TNRC18: variants seen among roughly 807,000 people sequenced by gnomAD.
The protein encoded by TNRC18 is trinucleotide repeat-containing gene 18 protein.
Under a neutral mutation model 226.7 loss-of-function variants are expected in TNRC18, and 69 were observed. The observed-to-expected ratio is 0.30, with a 90% CI of 0.25 to 0.37. The LOEUF is 0.37. Ranked by LOEUF, TNRC18 falls within the 10% of genes least tolerant of loss-of-function variation. TNRC18 has a pLI of 1.00. For missense variants in TNRC18, 4,754 were observed against 4,256.6 expected (o/e 1.12, Z -3.25); for synonymous variants, 2,449 against 1,927.6 (o/e 1.27, Z -7.09).
At chr7:5,367,581 C>T (rs1304102037) in intron 11 of TNRC18, among the ~76,000 whole-genome samples, 1 of 151,400 alleles carries the variant, frequency 6.6e-6, no homozygotes, top group East Asian at 2.0e-4. Context: ...GTGCCCGCCA[C>T]CACGCCCAGC....
At chr7:5,345,532 C>T (rs1288701158) in intron 18 of TNRC18, 30 bp downstream of exon 18, 1 of 1,141,426 alleles carries the variant, frequency 8.8e-7, no homozygotes, top group Non-Finnish European at 1.2e-6. Context: ...TCCCACCCAC[C>T]CCCACCGCAG....
intron 2 of TNRC18, among the ~76,000 whole-genome samples, chr7:5,396,012 AT>A (rs1407421129): frequency 1.4e-5 from 2 of 147,970 alleles, no homozygotes; most frequent in African/African-American, 5.0e-5. Context: ...AAAAAAAAAA[AT>A]GCTAAAAATT....
At chr7:5,422,329 TC>T (rs1046863711) in intron 1 of TNRC18, among the ~76,000 whole-genome samples, 7 of 145,358 alleles carry the variant, frequency 4.8e-5, no homozygotes, top group South Asian at 2.2e-4. Context: ...TACTCTAGCT[TC>T]CCCCCCCACA....
intron 18 of TNRC18, among the ~76,000 whole-genome samples, chr7:5,338,259 T>C (rs993144140): frequency 6.6e-6 from 1 of 152,030 alleles, no homozygotes; most frequent in African/African-American, 2.4e-5. Flanking sequence ...AATAAATTTG[T>C]TTAAAAGGCA....
chr7:5,408,905 G>A (rs1000064178), intron 2 of TNRC18, among the ~76,000 whole-genome samples: 2 of 152,188 alleles, frequency 1.3e-5, no homozygotes, highest in African/African-American at 2.4e-5. Context: ...ACCACTGAGG[G>A]TATGCATTCT....
At chr7:5,369,854 G>A (rs1793981257) in intron 11 of TNRC18, among the ~76,000 whole-genome samples, 1 of 152,074 alleles carries the variant, frequency 6.6e-6, no homozygotes, top group South Asian at 2.1e-4. Context: ...CTACAGACTG[G>A]CTGCACAGTG....
chr7:5,388,999 C>T lies in TNRC18; in HGVS notation c.825G>A (p.Ala275=). The T allele has an allele frequency of 3.7e-6, 5 of 1,359,712 alleles. No individual in the cohort carries two copies. The highest frequency in any genetic ancestry group is 1.6e-5 in the African/African-American group (1 of 63,446). 84.2% of individuals were successfully genotyped at this position (1,359,712 alleles called of 1,614,324 possible). Residue 275 remains alanine (A), a synonymous_variant, in exon 5 of 30, where the codon GCG becomes GCA. Transcript: ENST00000430969. The part of the protein sequence containing the change: ...FLAESKTKNA[A]LQPSVLTMCN... ...ACATGGTCAGTACCGACGGCTGCAG[C>T]GCCGCATTCTTGGTCTTGGACTCAG... is the stretch of plus-strand genomic sequence containing the variant.
intron 18 of TNRC18, among the ~76,000 whole-genome samples, chr7:5,343,616 G>C (rs988952243): frequency 5.9e-5 from 9 of 152,068 alleles, no homozygotes; most frequent in South Asian, 2.1e-4. Context: ...TTGTAGAGAT[G>C]GGGTCTCGCT....
Position 5,324,409 on chromosome 7 carries a change from C to A in TNRC18, c.6301-54G>T. ...CTTAGGACCTGAACAGGGGTCCTGC[C>A]GGGTTGGGGACCCTCTCTGGAAACC... On this transcript the variant is annotated intron_variant, in intron 20 of 29. Transcript: ENST00000430969. This position sits in a 1 kb window ranked among gnomAD's most constrained non-coding sequence, Gnocchi z 4.8. The A allele has an allele frequency of 6.3e-7, 1 of 1,594,454 alleles. No homozygotes were observed. Among genetic ancestry groups the A allele is most frequent in the Non-Finnish European group, 8.5e-7 (1 of 1,170,274 alleles).
Position 5,313,510 on chromosome 7 carries a change from G to A in TNRC18, c.7381C>T (p.Leu2461Phe). ...PRRPGEEAEL[L>F]VKLDHEGVTS... is the part of the protein sequence containing the mutation. ...ACACCCTCGTGGTCCAGTTTGACAA[G>A]CAGCTCGGCCTCCTCCCCCGGCCTC... The change falls in exon 27 of 30, where the codon CTT (leucine) becomes TTT (phenylalanine). Residue 2461 changes from leucine (L) to phenylalanine (F), a missense_variant. Leu to Phe is a conservative substitution (Grantham distance 22, BLOSUM62 0). Coordinates refer to ENST00000430969, the MANE Select transcript of TNRC18 (RefSeq NM_001080495.3). 6.2e-7 allele frequency: 1 copy of A among 1,613,178 alleles called. No individual in the cohort carries two copies. The highest frequency in any genetic ancestry group is 8.5e-7 in the Non-Finnish European group (1 of 1,179,504).
At chr7:5,322,321 C>T (rs1220027275) in intron 21 of TNRC18, among the ~76,000 whole-genome samples, 1 of 132,830 alleles carries the variant, frequency 7.5e-6, no homozygotes, top group Admixed American at 7.6e-5. Flanking sequence ...ATGTCAGAGA[C>T]AAGGTCTTGC....
chr7:5,340,146 A>G (rs1232120581), intron 18 of TNRC18, among the ~76,000 whole-genome samples: 1 of 152,256 alleles, frequency 6.6e-6, no homozygotes, highest in African/African-American at 2.4e-5. Flanking sequence ...CCTAGAAGCA[A>G]GGCCTCTTGT....
At chr7:5,321,230 G>A (rs2128113587) in intron 21 of TNRC18, 40 bp from the exon 22 acceptor site, 3 of 1,439,990 alleles carry the variant, frequency 2.1e-6, no homozygotes, top group Admixed American at 4.0e-5. Context: ...GGAGCCGGGG[G>A]CGTCTGCGAC....
intron 16 of TNRC18, among the ~76,000 whole-genome samples, chr7:5,355,260 C>T (rs1792234109): frequency 6.6e-6 from 1 of 150,732 alleles, no homozygotes; most frequent in African/African-American, 2.5e-5. Context: ...CATGAGGACG[C>T]TCCAATCTGA....
At chr7:5,337,101 A>C (rs934968764) in intron 18 of TNRC18, among the ~76,000 whole-genome samples, 1 of 152,244 alleles carries the variant, frequency 6.6e-6, no homozygotes, top group African/African-American at 2.4e-5. Flanking sequence ...ACGGCTGACA[A>C]AGATAAACAC....
rs749660533 is a variant in TNRC18 at position 5,345,689 on chromosome 7, C to T, written c.5592G>A (p.Gly1864=). 3 of 1,549,782 alleles carry T rather than the reference C, an allele frequency of 1.9e-6. No homozygotes were observed. In the Admixed American group the frequency reaches 5.9e-5, roughly 30 times the overall value. The change falls in exon 18 of 30, where the codon GGG becomes GGA. Residue 1864 remains glycine, a synonymous_variant. Coordinates refer to ENST00000430969, the MANE Select transcript of TNRC18 (RefSeq NM_001080495.3). ...RALSPGLEES[G]LGLLARFAAS... ...CGGCGAAGCGTGCCAGCAGGCCCAG[C>T]CCACTCTCCTCCAGGCCCGGTGACA...
At chr7:5,404,237 G>A (rs1397881115) in intron 2 of TNRC18, among the ~76,000 whole-genome samples, 1 of 152,186 alleles carries the variant, frequency 6.6e-6, no homozygotes, top group East Asian at 1.9e-4. Flanking sequence ...TGGGTGTGGT[G>A]GCACATGCCT....
rs1239451013 is a variant in TNRC18 at position 5,368,048 on chromosome 7, G to A, written c.4219+2327C>T. Among the ~76,000 whole-genome samples the A allele has an allele frequency of 1.2e-4, 8 of 67,820 alleles. No homozygotes were observed. In the South Asian group the frequency reaches 1.5e-3, roughly 12 times the overall value. 44.5% of individuals were successfully genotyped at this position (67,820 alleles called of 152,430 possible). ...GGATAACCATCATGTTATTTGCAACGGAGAAAAAAAAAAAACAACTTTGTT... is the reference window on the plus strand; with the variant it reads ...GGATAACCATCATGTTATTTGCAACAGAGAAAAAAAAAAAACAACTTTGTT... On this transcript the variant is annotated intron_variant, in intron 11 of 29. Transcript: ENST00000430969.
chr7:5,403,932 G>C (rs1259406749), intron 2 of TNRC18, among the ~76,000 whole-genome samples: 1 of 152,096 alleles, frequency 6.6e-6, no homozygotes, highest in African/African-American at 2.4e-5. Context: ...GTGTTTCCGA[G>C]ATAGCAGCTA....
Sources: allele counts gnomAD v4.1 joint callset (sites outside exome capture counted in the v4.1 genomes callset), GRCh38; gene constraint gnomAD v4.1.1; non-coding constraint Gnocchi (gnomAD v3.1); transcripts MANE v1.5; gene names NCBI Gene and HGNC (gene_info 2026-07-23, HGNC 2026-07-21).